The following PRL variants were observed in gnomAD, a reference collection of about 807,000 sequenced individuals.
PRL encodes the protein prolactin, also known as decidual prolactin.
In PRL, 24 loss-of-function variants were observed where a neutral mutation model predicts 21.3. That is an observed-to-expected ratio of 1.13 (90% confidence interval 0.82 to 1.59). The LOEUF is 1.59. Among genes scored for constraint, PRL ranks in the 40% most tolerant of loss-of-function variants. PRL has a pLI of 0.00. For synonymous variants in PRL, 118 were observed against 115.7 expected (o/e 1.02, Z -0.13); for missense variants, 243 against 286.9 (o/e 0.85, Z 1.10).
chr6:22,290,400 T>C (rs368017809), intron 3 of PRL, 47 bp from the exon 4 acceptor site: 4 of 1,414,386 alleles, frequency 2.8e-6, no homozygotes, highest in African/African-American at 1.4e-5. Flanking sequence ...TAAAATACAA[T>C]GGGGTTAGTT....
chr6:22,298,090 C>T (rs1018964404), upstream of PRL, among the ~76,000 whole-genome samples: 3 of 152,198 alleles, frequency 2.0e-5, no homozygotes, highest in Admixed American at 6.5e-5. Context: ...CACACAGACA[C>T]ACTTACACCC....
chr6:22,296,976 T>A lies in PRL; in HGVS notation c.7A>T (p.Ile3Phe). The change falls in exon 1 of 5, where the codon ATC becomes TTC. Residue 3 changes from isoleucine to phenylalanine, a missense_variant. Ile to Phe is a conservative substitution (Grantham distance 21). Coordinates refer to ENST00000306482, the MANE Select transcript of PRL (RefSeq NM_000948.6). MNIKGSPWKGSLL... is the reference protein window; with the variant it reads MNFKGSPWKGSLL... ...ATACCTTTCCATGGCGATCCTTTGA[T>A]GTTCATGTTCGTGATCGTTGCAGGA... 6.2e-7 allele frequency: 1 copy of A among 1,614,096 alleles called. No individual in the cohort carries two copies. The highest frequency in any genetic ancestry group is 2.2e-5 in the East Asian group (1 of 44,872).
chr6:22,293,014 C>A lies in PRL; in HGVS notation c.205-369G>T, dbSNP rs75344545. ...GAATCATCTTTCTTCAGCATTTGAGCCAAATGCCACAGTGCAAATGTATTT... is the reference window on the plus strand; with the variant it reads ...GAATCATCTTTCTTCAGCATTTGAGACAAATGCCACAGTGCAAATGTATTT... On this transcript the variant is annotated intron_variant, in intron 2 of 4. Transcript: ENST00000306482. Among the ~76,000 whole-genome samples, 228 of 152,230 alleles carry A rather than the reference C, an allele frequency of 1.5e-3. 1 individual carries two copies. Among genetic ancestry groups the A allele is most frequent in the African/African-American group, 5.3e-3 (221 of 41,530 alleles).
upstream of PRL, among the ~76,000 whole-genome samples, chr6:22,298,684 C>T (rs752433805): frequency 2.6e-5 from 4 of 152,182 alleles, no homozygotes; most frequent in Admixed American, 2.0e-4. Flanking sequence ...CATATACTCA[C>T]ATTAGGTATT....
rs530526997 is a variant in PRL, at chr6:22,288,818, G to A, written c.493-1225C>T. On this transcript the variant is annotated intron_variant, in intron 4 of 4. Coordinates refer to ENST00000306482, the MANE Select transcript of PRL (RefSeq NM_000948.6). The surrounding 1 kb of genome is among the most constrained non-coding windows in gnomAD (Gnocchi z 4.5). ...TCTGCTAAACCTTTTCCTACAAAGT[G>A]AGAATATTTTTCAAATCTGGGATTC... Among the ~76,000 whole-genome samples, 1 of 152,320 alleles carries A rather than the reference G, an allele frequency of 6.6e-6. No individual in the cohort carries two copies. Among genetic ancestry groups the A allele is most frequent in the East Asian group, 1.9e-4 (1 of 5,178 alleles).
Position 22,288,487 on chromosome 6 carries a change from A to G in PRL, c.493-894T>C, listed in dbSNP as rs940902297. Among the ~76,000 whole-genome samples, 1 of 151,968 alleles carries G rather than the reference A, an allele frequency of 6.6e-6. No homozygotes were observed. The highest frequency in any genetic ancestry group is 1.5e-5 in the Non-Finnish European group (1 of 67,986). On this transcript the variant is annotated intron_variant, in intron 4 of 4. Coordinates refer to ENST00000306482, the MANE Select transcript of PRL (RefSeq NM_000948.6). This position sits in a 1 kb window ranked among gnomAD's most constrained non-coding sequence, Gnocchi z 4.5. Reference sequence around the variant, plus strand: ...GAGGCAGAGATTGTGGTGAGCCGAGATGACACCACTACACTCCAGCATAGG... The same window carrying G: ...GAGGCAGAGATTGTGGTGAGCCGAGGTGACACCACTACACTCCAGCATAGG...
chr6:22,291,982 G>A (rs964598163), intron 3 of PRL, among the ~76,000 whole-genome samples: 15 of 152,112 alleles, frequency 9.9e-5, no homozygotes, highest in Admixed American at 2.6e-4. Flanking sequence ...TGTATTTTTT[G>A]TGAGGGGAGT....
chr6:22,294,933 ATTTT>A (rs1675462258), intron 1 of PRL, among the ~76,000 whole-genome samples: 1 of 151,896 alleles, frequency 6.6e-6, no homozygotes. Flanking sequence ...GTTTCTGCAG[ATTTT>A]CAGCAGTCAG....
intron 2 of PRL, 33 bp downstream of exon 2, chr6:22,294,376 C>A (rs752847063): frequency 2.1e-5 from 34 of 1,613,176 alleles, no homozygotes; most frequent in Non-Finnish European, 2.9e-5. Context: ...GTGAAGGCTC[C>A]TTCAGGGAGG....
At chr6:22,294,279 G>GTAGA in intron 2 of PRL, 130 bp downstream of exon 2, 1 of 1,014,408 alleles carries the variant, frequency 9.9e-7, no homozygotes, top group Admixed American at 2.1e-5. Context: ...ATGAGCTGGT[G>GTAGA]TCTTCTTTCA....
upstream of PRL, among the ~76,000 whole-genome samples, chr6:22,300,575 T>C (rs1193938291): frequency 6.6e-6 from 1 of 152,260 alleles, no homozygotes; most frequent in African/African-American, 2.4e-5. Context: ...ATTGTCTCTT[T>C]GCTCGTTTAA....
Position 22,292,584 on chromosome 6 carries a change from G to A in PRL, c.266C>T (p.Ser89Phe). The A allele has an allele frequency of 6.2e-7, 1 of 1,614,134 alleles. No individual in the cohort carries two copies. The highest frequency in any genetic ancestry group is 8.5e-7 in the Non-Finnish European group (1 of 1,180,024). Residue 89 changes from serine to phenylalanine, a missense_variant, in exon 3 of 5, where the codon TCT (serine) becomes TTT (phenylalanine). Transcript: ENST00000306482. ...ITKAINSCHT[S>F]SLATPEDKEQ... ...CTTGTCTTCGGGGGTGGCAAGGGAA[G>A]AAGTGTGGCAGCTGTTGATGGCCTT...
chr6:22,290,064 T>C lies in PRL; in HGVS notation c.492+110A>G, dbSNP rs1761012995. 2.9e-6 allele frequency: 3 copies of C among 1,047,708 alleles called. No individual in the cohort carries two copies. The East Asian group carries it at 7.7e-5, about 27-fold the overall frequency. The allele number at this position is 1,047,708 out of a possible 1,614,324, so 64.9% of individuals were successfully genotyped here. A position where few individuals can be genotyped will look rare whatever the true frequency, so the allele number is the denominator to read the frequency against. The stretch of plus-strand genomic sequence containing the variant: ...GCTCTTGCTTTATTTAATAGCGGTC[T>C]ATAATATGGAATGCCTAAATTTCCT... On this transcript the variant is annotated intron_variant, in intron 4 of 4. Transcript: ENST00000306482.
In PRL at chr6:22,288,926, G is replaced by A. The variant is rs563374204; in HGVS notation, c.492+1248C>T. Among the ~76,000 whole-genome samples, 9 of 150,782 alleles carry A rather than the reference G, an allele frequency of 6.0e-5. No individual in the cohort carries two copies. Among genetic ancestry groups the A allele is most frequent in the Admixed American group, 4.0e-4 (6 of 15,142 alleles). On this transcript the variant is annotated intron_variant, in intron 4 of 4. Coordinates refer to ENST00000306482, the MANE Select transcript of PRL (RefSeq NM_000948.6). The surrounding 1 kb of genome is among the most constrained non-coding windows in gnomAD (Gnocchi z 4.5). The stretch of plus-strand genomic sequence containing the variant: ...TGCGCGCGCGTGTGTGTGCGTGCGC[G>A]TGTGTGTGCATGTGTGTGTGCGTGC...
Position 22,294,569 on chromosome 6 carries a change from A to G in PRL, c.44T>C (p.Leu15Pro). 1 of 1,599,508 alleles carries G rather than the reference A, an allele frequency of 6.3e-7. No individual in the cohort carries two copies. Among genetic ancestry groups the G allele is most frequent in the Non-Finnish European group, 8.5e-7 (1 of 1,172,872 alleles). The change falls in exon 2 of 5, where the codon CTG (leucine) becomes CCG (proline). Residue 15 changes from leucine to proline, a missense_variant. Transcript: ENST00000306482. The part of the protein sequence containing the change: ...GSPWKGSLLL[L>P]LVSNLLLCQS... ...GCACAGGAGCAGGTTTGACACCAGCAGCAGCAGGAGGGACCCTGCTTAAAT... is the reference window on the plus strand; with the variant it reads ...GCACAGGAGCAGGTTTGACACCAGCGGCAGCAGGAGGGACCCTGCTTAAAT...
chr6:22,287,492 G>A lies in PRL; in HGVS notation c.594C>T (p.Asn198=), dbSNP rs1390636714. 6.2e-7 allele frequency: 1 copy of A among 1,614,154 alleles called. No homozygotes were observed. Among genetic ancestry groups the A allele is most frequent in the Admixed American group, 1.7e-5 (1 of 60,034 alleles). Reference sequence around the variant, plus strand: ...AATCCCTGCGTAGGCAGTGGAGCAGGTTATAATAAGCAGAAAGGCGAGACT... The same window carrying A: ...AATCCCTGCGTAGGCAGTGGAGCAGATTATAATAAGCAGAAAGGCGAGACT... The part of the protein sequence containing the change: ...DEESRLSAYY[N]LLHCLRRDSH... Residue 198 remains asparagine (N), a synonymous_variant, in exon 5 of 5, where the codon AAC becomes AAT. Coordinates refer to ENST00000306482, the MANE Select transcript of PRL (RefSeq NM_000948.6).
In PRL at chr6:22,288,150, T is replaced by C. The variant is rs1384510005; in HGVS notation, c.493-557A>G. On this transcript the variant is annotated intron_variant, in intron 4 of 4. Coordinates refer to ENST00000306482, the MANE Select transcript of PRL (RefSeq NM_000948.6). This position sits in a 1 kb window ranked among gnomAD's most constrained non-coding sequence, Gnocchi z 4.5. ...TGACTAAGAAAAGCTGCTTACATAGTCAGGAGATTTTCATTTCCTCAAATT... is the reference window on the plus strand; with the variant it reads ...TGACTAAGAAAAGCTGCTTACATAGCCAGGAGATTTTCATTTCCTCAAATT... Among the ~76,000 whole-genome samples, 1 of 152,134 alleles carries C rather than the reference T, an allele frequency of 6.6e-6. No homozygotes were observed. Among genetic ancestry groups the C allele is most frequent in the Non-Finnish European group, 1.5e-5 (1 of 68,018 alleles).
intron 1 of PRL, among the ~76,000 whole-genome samples, chr6:22,294,904 A>G (rs893569436): frequency 6.6e-5 from 10 of 152,148 alleles, no homozygotes; most frequent in Non-Finnish European, 7.4e-5. Flanking sequence ...TTCTCTTAAG[A>G]TAGTTTAATG....
chr6:22,293,353 G>C (rs946433042), intron 2 of PRL, among the ~76,000 whole-genome samples: 1 of 151,972 alleles, frequency 6.6e-6, no homozygotes, highest in Non-Finnish European at 1.5e-5. Context: ...GAAATTACTA[G>C]GAAGATTTGG....
Sources: allele counts gnomAD v4.1 joint callset (sites outside exome capture counted in the v4.1 genomes callset), GRCh38; gene constraint gnomAD v4.1.1; non-coding constraint Gnocchi (gnomAD v3.1); transcripts MANE v1.5; gene names NCBI Gene and HGNC (gene_info 2026-07-23, HGNC 2026-07-21).